The following SMIM23 variants were observed in gnomAD, a reference collection of about 807,000 sequenced individuals.
SMIM23 encodes the protein CTB-78H18.1.
In SMIM23, 10 loss-of-function variants were observed where a neutral mutation model predicts 12.8. That is an observed-to-expected ratio of 0.78 (90% CI 0.48 to 1.32). The LOEUF is 1.32. SMIM23 is among the 40% of genes most tolerant of loss of function. SMIM23 has a pLI of 0.00. For synonymous variants in SMIM23, 78 were observed against 80.1 expected (o/e 0.97, Z 0.14); for missense variants, 184 against 198.2 (o/e 0.93, Z 0.43).
chr5:171,789,357 A>G (rs1461076162), intron 1 of SMIM23, among the ~76,000 whole-genome samples: 1 of 152,260 alleles, frequency 6.6e-6, no homozygotes, highest in Non-Finnish European at 1.5e-5. Flanking sequence ...AAGAAAAGTC[A>G]TTGGTGGTTT....
upstream of SMIM23, chr5:171,785,740 C>A (rs1427564509): frequency 3.0e-6 from 2 of 673,364 alleles, no homozygotes; most frequent in South Asian, 1.9e-5. Flanking sequence ...AAGGTGGGAA[C>A]CTTGCTGTCC....
chr5:171,781,211 C>T (rs546686670), upstream of SMIM23, among the ~76,000 whole-genome samples: 61 of 152,318 alleles, frequency 4.0e-4, no homozygotes, highest in African/African-American at 1.3e-3. Context: ...CAATTATTTT[C>T]CTTTCTGACA....
chr5:171,787,650 A>G (rs1755842688), intron 1 of SMIM23, among the ~76,000 whole-genome samples: 1 of 152,234 alleles, frequency 6.6e-6, no homozygotes, highest in South Asian at 2.1e-4. Flanking sequence ...TTGTTAAGAA[A>G]AGAAAAAGGA....
the SMIM23 span, among the ~76,000 whole-genome samples, chr5:171,773,223 C>T: frequency 1.0e-3 from 158 of 152,308 alleles, no homozygotes; most frequent in East Asian, 0.024. Flanking sequence ...CTGTAGAATG[C>T]GGACATTGAC....
chr5:171,774,439 G>T, the SMIM23 span: 1 of 456,224 alleles, frequency 2.2e-6, no homozygotes. Context: ...CTGCTCGGCT[G>T]CACAGCTCAC....
At chr5:171,782,540 T>A (rs917736477), upstream of SMIM23, 11 of 152,214 alleles carry the variant, frequency 7.2e-5, no homozygotes, top group African/African-American at 2.2e-4. Context: ...AGGCGCACAG[T>A]AGGTACTTCG....
chr5:171,790,670 C>T, intron 3 of SMIM23, 121 bp downstream of exon 3: 1 of 1,373,652 alleles, frequency 7.3e-7, no homozygotes, highest in Non-Finnish European at 9.9e-7. Context: ...AAGGTGGGAA[C>T]AGGTACTACG....
rs1755879434 is a variant in SMIM23 at position 171,789,297 on chromosome 5, T to A, written c.106-933T>A. 2.6e-5 allele frequency among the ~76,000 whole-genome samples: 4 copies of A among 152,212 alleles called. No individual in the cohort carries two copies. In the South Asian group the frequency reaches 8.3e-4, roughly 31 times the overall value. ...TTTGGCTCAATATTTAAAACACAAT[T>A]AATGCAATTTACCACAAAAATGGGG... On this transcript the variant is annotated intron_variant, in intron 1 of 3. Transcript: ENST00000523047.
chr5:171,775,550 ACCGTAAGTGCCTCCCCTGAAGACC>A, the SMIM23 span, among the ~76,000 whole-genome samples: 1 of 152,214 alleles, frequency 6.6e-6, no homozygotes, highest in African/African-American at 2.4e-5. Flanking sequence ...AGTTTGACTT[ACCGTAAGTGCCTCCCCTGAAGACC>A]CTGATCTCCA....
rs951449895 is a variant in SMIM23, at chr5:171,790,224, C to T, written c.106-6C>T. The stretch of plus-strand genomic sequence containing the variant: ...TCTTCCTCCTCTTCCTCTTCTTGCA[C>T]CCTAGACGCTGTTGGCATTGCTGAT... On this transcript the variant is annotated splice_region_variant and splice_polypyrimidine_tract_variant and intron_variant, in intron 1 of 3. Transcript: ENST00000523047. 34 of 1,535,972 alleles carry T rather than the reference C, an allele frequency of 2.2e-5. No homozygotes were observed. The highest frequency in any genetic ancestry group is 2.9e-5 in the Non-Finnish European group (33 of 1,146,894).
chr5:171,785,811 A>T (rs1755805088), upstream of SMIM23: 1 of 1,327,232 alleles, frequency 7.5e-7, no homozygotes, highest in Admixed American at 2.0e-5. Context: ...CAGGTGGGGG[A>T]GGGGAAGGGT....
upstream of SMIM23, among the ~76,000 whole-genome samples, chr5:171,777,852 C>T (rs557211123): frequency 6.6e-6 from 1 of 152,288 alleles, no homozygotes; most frequent in South Asian, 2.1e-4. Context: ...TCTCCCACTT[C>T]AAGAGCAGCA....
chr5:171,776,551 G>C, the SMIM23 span, among the ~76,000 whole-genome samples: 258 of 152,224 alleles, frequency 1.7e-3, 1 homozygote, highest in African/African-American at 5.9e-3. Flanking sequence ...AAAGGGTCTC[G>C]AATGGCATGG....
chr5:171,777,271 GC>G, the SMIM23 span, among the ~76,000 whole-genome samples: 1 of 152,154 alleles, frequency 6.6e-6, no homozygotes, highest in Non-Finnish European at 1.5e-5. Flanking sequence ...TTACAAAAGG[GC>G]CCCTGGATGT....
At chr5:171,781,512 C>T (rs1396411044), upstream of SMIM23, among the ~76,000 whole-genome samples, 3 of 149,898 alleles carry the variant, frequency 2.0e-5, no homozygotes, top group African/African-American at 7.4e-5. Flanking sequence ...CATCCACCAC[C>T]GGCTGGTCTT....
At chr5:171,788,959 C>T (rs1362755476) in intron 1 of SMIM23, among the ~76,000 whole-genome samples, 2 of 152,234 alleles carry the variant, frequency 1.3e-5, no homozygotes, top group African/African-American at 4.8e-5. Flanking sequence ...CCTGCCTCAG[C>T]CTCCCGAGTA....
At chr5:171,783,626 T>C (rs995046867), upstream of SMIM23, among the ~76,000 whole-genome samples, 52 of 151,806 alleles carry the variant, frequency 3.4e-4, no homozygotes, top group Non-Finnish European at 6.6e-4. Context: ...TAGGAGAAAA[T>C]CTTCGGAACC....
At chr5:171,778,349 T>C (rs1357434537), upstream of SMIM23, among the ~76,000 whole-genome samples, 1 of 143,494 alleles carries the variant, frequency 7.0e-6, no homozygotes, top group East Asian at 2.1e-4. Flanking sequence ...AGAGCGAGAC[T>C]CCATCTCAAA....
At chr5:171,789,006 A>G (rs1233738703) in intron 1 of SMIM23, among the ~76,000 whole-genome samples, 26 of 152,288 alleles carry the variant, frequency 1.7e-4, no homozygotes. Context: ...TGGCCAGCTA[A>G]TTTTTGCATT....
Sources: allele counts gnomAD v4.1 joint callset (sites outside exome capture counted in the v4.1 genomes callset), GRCh38; gene constraint gnomAD v4.1.1; transcripts MANE v1.5; gene names NCBI Gene and HGNC (gene_info 2026-07-23, HGNC 2026-07-21).